NCOR2: variants seen among roughly 807,000 people sequenced by gnomAD.
NCOR2 encodes the protein nuclear receptor corepressor 2.
In NCOR2, 81 loss-of-function variants were observed where a neutral mutation model predicts 262.9. The ratio of observed to expected loss-of-function variants is 0.31; its 90% CI spans 0.26 to 0.37. The LOEUF is 0.37. Ranked by LOEUF, NCOR2 falls within the 10% of genes least tolerant of loss-of-function variation. NCOR2 has a pLI of 1.00. For missense variants in NCOR2, 3,385 were observed against 3,621.4 expected (o/e 0.93, Z 1.68); for synonymous variants, 1,659 against 1,559.3 (o/e 1.06, Z -1.51).
intron 1 of NCOR2, among the ~76,000 whole-genome samples, chr12:124,506,588 C>G (rs1229790849): frequency 5.3e-5 from 8 of 149,986 alleles, no homozygotes; most frequent in Non-Finnish European, 1.2e-4. Flanking sequence ...CCGAGAAGCC[C>G]TGCACGGGGA....
At chr12:124,473,639 G>A (rs1049012046) in intron 3 of NCOR2, among the ~76,000 whole-genome samples, 3 of 151,966 alleles carry the variant, frequency 2.0e-5, no homozygotes, top group Admixed American at 2.0e-4. Flanking sequence ...CCTGACTAAT[G>A]TAGTTGCCAA....
intron 5 of NCOR2, among the ~76,000 whole-genome samples, chr12:124,465,316 CATTT>C (rs2046365541): frequency 3.3e-5 from 5 of 152,120 alleles, no homozygotes; most frequent in African/African-American, 1.2e-4. Context: ...ATCCTGAGTA[CATTT>C]AGAAAAAGTA....
At chr12:124,369,598 C>T (rs1035489477) in intron 20 of NCOR2, among the ~76,000 whole-genome samples, 2 of 150,608 alleles carry the variant, frequency 1.3e-5, no homozygotes, top group African/African-American at 4.9e-5. Context: ...GGAGGGGTGG[C>T]GGGCTGCCGG....
At chr12:124,386,566 A>G (rs1302194572) in intron 16 of NCOR2, among the ~76,000 whole-genome samples, 2 of 152,136 alleles carry the variant, frequency 1.3e-5, no homozygotes, top group Admixed American at 1.3e-4. Flanking sequence ...CCCAAACCCC[A>G]ACCCGCACAA....
At chr12:124,529,141 T>C (rs1403271855) in intron 1 of NCOR2, among the ~76,000 whole-genome samples, 3 of 85,560 alleles carry the variant, frequency 3.5e-5, no homozygotes, top group African/African-American at 1.4e-4. Flanking sequence ...ATCGTGCCAT[T>C]GCACTCCAGC....
At chr12:124,499,347 C>T (rs2048559932), upstream of NCOR2, among the ~76,000 whole-genome samples, 1 of 152,254 alleles carries the variant, frequency 6.6e-6, no homozygotes, top group African/African-American at 2.4e-5. Flanking sequence ...TATTTACATA[C>T]ACACTGTGGT....
intron 16 of NCOR2, among the ~76,000 whole-genome samples, chr12:124,394,132 G>A (rs2041505173): frequency 6.6e-6 from 1 of 152,262 alleles, no homozygotes; most frequent in Admixed American, 6.5e-5. Context: ...CCAAACCTAG[G>A]GAGCAGGGTC....
At chr12:124,513,713 A>ACCT (rs1320454005) in intron 1 of NCOR2, 1 of 152,050 alleles carries the variant, frequency 6.6e-6, no homozygotes, top group Non-Finnish European at 1.5e-5. Context: ...TGGAATGCTC[A>ACCT]CCTCGCCTTG....
chr12:124,344,661 A>G, exon 32 of NCOR2: 1 of 1,491,636 alleles, frequency 6.7e-7, no homozygotes, highest in South Asian at 1.3e-5. Context: ...GGTGGCCGGC[A>G]AAGGGTGCCC....
chr12:124,344,941 A>G (rs2036785377), exon 32 of NCOR2: 2 of 1,547,670 alleles, frequency 1.3e-6, no homozygotes, highest in East Asian at 4.8e-5. Context: ...GTCGTACTTG[A>G]GCGGGGTGCC....
At chr12:124,383,765 T>G (rs114918161) in intron 17 of NCOR2, among the ~76,000 whole-genome samples, 55 of 152,358 alleles carry the variant, frequency 3.6e-4, no homozygotes, top group African/African-American at 1.3e-3. Flanking sequence ...AACTGAGGCT[T>G]AGAAGGCTGA....
intron 1 of NCOR2, among the ~76,000 whole-genome samples, chr12:124,512,795 C>T (rs376320590): frequency 6.6e-6 from 1 of 152,198 alleles, no homozygotes; most frequent in African/African-American, 2.4e-5. Flanking sequence ...ACACAGTAGC[C>T]GCTGGGTATT....
At chr12:124,334,876 A>G in intron 40 of NCOR2, 1 of 619,328 alleles carries the variant, frequency 1.6e-6, no homozygotes. Flanking sequence ...CTGGGCCACC[A>G]GGAAGGCCTC....
At chr12:124,488,250 G>A (rs945790912) in intron 1 of NCOR2, among the ~76,000 whole-genome samples, 1 of 152,182 alleles carries the variant, frequency 6.6e-6, no homozygotes, top group African/African-American at 2.4e-5. Context: ...GAGCCCAGAG[G>A]CCAGGAAGGA....
In NCOR2 at chr12:124,495,044, C is replaced by A. The variant is rs2048309156; in HGVS notation, c.105+103G>T. 2 of 1,437,384 alleles carry A rather than the reference C, an allele frequency of 1.4e-6. No homozygotes were observed. The highest frequency in any genetic ancestry group is 4.5e-5 in the Admixed American group (2 of 44,452). 89.0% of individuals were successfully genotyped at this position (1,437,384 alleles called of 1,614,324 possible). A position where few individuals can be genotyped will look rare whatever the true frequency, so the allele number is the denominator to read the frequency against. On this transcript the variant is annotated intron_variant, in intron 1 of 46. Coordinates refer to ENST00000405201, the Ensembl canonical transcript of NCOR2. This position sits in a 1 kb window ranked among gnomAD's most constrained non-coding sequence, Gnocchi z 4.4. ...CCCTCTGCCCTGGGAGGCTCAGAGC[C>A]ACATGAGCCTGGCTCCCAGGAGAAA... is the stretch of plus-strand genomic sequence containing the variant.
At chr12:124,337,354 C>T in intron 37 of NCOR2, 174 bp from the exon 40 acceptor site, 1 of 796,434 alleles carries the variant, frequency 1.3e-6, no homozygotes, top group South Asian at 1.5e-5. Flanking sequence ...TGACCCATCC[C>T]ACTCATTCGT....
At chr12:124,524,528 G>A (rs12370545) in intron 1 of NCOR2, among the ~76,000 whole-genome samples, 31,300 of 152,142 alleles carry the variant, frequency 0.21, 3,272 homozygotes, top group Middle Eastern at 0.23. Flanking sequence ...AACAAGGCCC[G>A]CATGGAAGGA....
intron 37 of NCOR2, 124 bp from the exon 40 acceptor site, chr12:124,337,304 C>T (rs1451568593): frequency 1.8e-6 from 2 of 1,141,244 alleles, no homozygotes; most frequent in East Asian, 2.6e-5. Context: ...GTGAAACTGC[C>T]CTCCTGACTG....
At chr12:124,495,275 T>G, upstream of NCOR2, 1 of 1,605,100 alleles carries the variant, frequency 6.2e-7, no homozygotes, top group Non-Finnish European at 8.5e-7. The surrounding 1 kb of genome is among the most constrained non-coding windows in gnomAD (Gnocchi z 4.4). Flanking sequence ...GGCGGGGAGC[T>G]GCTCCCAGGC....
Sources: allele counts gnomAD v4.1 joint callset (sites outside exome capture counted in the v4.1 genomes callset), GRCh38; gene constraint gnomAD v4.1.1; non-coding constraint Gnocchi (gnomAD v3.1); transcripts MANE v1.5; gene names NCBI Gene and HGNC (gene_info 2026-07-23, HGNC 2026-07-21).